Variants in LRMDA observed in about 807,000 individuals in gnomAD.
LRMDA encodes the protein leucine rich melanocyte differentiation associated, also known as leucine-rich melanocyte differentiation-associated protein.
A neutral mutation model predicts 29.8 loss-of-function variants in LRMDA; 18 were observed. The ratio of observed to expected loss-of-function variants is 0.60; its 90% CI spans 0.42 to 0.90. The LOEUF is 0.90. Ranked by LOEUF, LRMDA falls within the 40% of genes least tolerant of loss-of-function variation. The probability of loss-of-function intolerance (pLI) is 0.00; values close to 1 mark genes in which losing one functional copy is unlikely to be tolerated. For synonymous variants in LRMDA, 125 were observed against 109.4 expected, an observed-to-expected ratio of 1.14 and a Z score of -0.89; for missense variants, 273 against 273.9, an observed-to-expected ratio of 1.00 and a Z score of 0.02.
intron 5 of LRMDA, among the ~76,000 whole-genome samples, chr10:76,147,608 A>T (rs1394563501): frequency 6.6e-6 from 1 of 151,892 alleles, no homozygotes; most frequent in Non-Finnish European, 1.5e-5. Context: ...CAAAACTTTT[A>T]ACTTCTTTGC....
At chr10:76,475,486 T>C (rs1311980868) in intron 6 of LRMDA, among the ~76,000 whole-genome samples, 1 of 151,964 alleles carries the variant, frequency 6.6e-6, no homozygotes, top group Admixed American at 6.6e-5. Context: ...ATTGGACAGA[T>C]CAATGAGACA....
chr10:76,245,760 A>T (rs1234928183), intron 5 of LRMDA, among the ~76,000 whole-genome samples: 1 of 152,202 alleles, frequency 6.6e-6, no homozygotes, highest in Non-Finnish European at 1.5e-5. Context: ...TTATACTATG[A>T]CAGCTCTGGG....
intron 5 of LRMDA, among the ~76,000 whole-genome samples, chr10:76,222,973 A>G (rs543610802): frequency 3.9e-4 from 60 of 152,220 alleles, no homozygotes; most frequent in African/African-American, 6.5e-4. Flanking sequence ...GTAGGGACAT[A>G]GATGAAATTG....
At chr10:75,875,036 C>G (rs1845172998) in intron 2 of LRMDA, among the ~76,000 whole-genome samples, 1 of 152,168 alleles carries the variant, frequency 6.6e-6, no homozygotes, top group Admixed American at 6.5e-5. Context: ...CTCTTGCATG[C>G]CAATATCAAT....
At chr10:75,510,047 A>G (rs1845210147) in intron 2 of LRMDA, among the ~76,000 whole-genome samples, 1 of 152,250 alleles carries the variant, frequency 6.6e-6, no homozygotes, top group African/African-American at 2.4e-5. Flanking sequence ...CAGAAGAGGC[A>G]ATCAATAAAT....
intron 3 of LRMDA, among the ~76,000 whole-genome samples, chr10:76,040,049 G>C (rs989813564): frequency 2.6e-5 from 4 of 152,138 alleles, no homozygotes; most frequent in African/African-American, 9.7e-5. Flanking sequence ...CATTTTTATG[G>C]AAAAACTAGG....
chr10:75,895,653 T>G (rs1354628023), intron 2 of LRMDA, among the ~76,000 whole-genome samples: 1 of 152,250 alleles, frequency 6.6e-6, no homozygotes, highest in African/African-American at 2.4e-5. Context: ...TATTACATGA[T>G]GCTGGAATAG....
intron 6 of LRMDA, among the ~76,000 whole-genome samples, chr10:76,539,444 C>T (rs1219650985): frequency 3.9e-5 from 6 of 152,130 alleles, no homozygotes; most frequent in Non-Finnish European, 5.9e-5. Context: ...ACAGGTTTCC[C>T]AGGGCAATAG....
At chr10:76,379,569 CT>C (rs529675102) in intron 6 of LRMDA, among the ~76,000 whole-genome samples, 2 of 152,012 alleles carry the variant, frequency 1.3e-5, no homozygotes, top group African/African-American at 4.8e-5. Context: ...GTAATGTGTT[CT>C]TTATCACTTC....
intron 6 of LRMDA, among the ~76,000 whole-genome samples, chr10:76,386,664 A>G (rs1187381164): frequency 6.6e-6 from 1 of 152,190 alleles, no homozygotes; most frequent in East Asian, 1.9e-4. Context: ...CAATGTCCTA[A>G]TTTGTCAAAA....
intron 5 of LRMDA, among the ~76,000 whole-genome samples, chr10:76,159,835 T>A (rs1850611004): frequency 6.6e-6 from 1 of 151,994 alleles, no homozygotes; most frequent in African/African-American, 2.4e-5. Context: ...GGCAAAACTA[T>A]AGAGAGAGCA....
intron 5 of LRMDA, among the ~76,000 whole-genome samples, chr10:76,112,609 AG>A (rs913912698): frequency 2.0e-5 from 3 of 152,224 alleles, no homozygotes; most frequent in African/African-American, 7.2e-5. Context: ...AAGCCCCAAG[AG>A]GCCCTGGTAC....
intron 2 of LRMDA, among the ~76,000 whole-genome samples, chr10:75,906,037 A>G (rs961056755): frequency 2.0e-5 from 3 of 151,360 alleles, no homozygotes; most frequent in African/African-American, 7.3e-5. Context: ...ACCTCATCCT[A>G]GATGCTCCCA....
At chr10:75,929,976 A>G (rs189635049) in intron 2 of LRMDA, among the ~76,000 whole-genome samples, 2 of 152,314 alleles carry the variant, frequency 1.3e-5, no homozygotes, top group Admixed American at 6.5e-5. Context: ...ACTGAATGCA[A>G]TCCTAGCAAA....
chr10:76,058,071 C>G (rs1848644902), intron 4 of LRMDA, among the ~76,000 whole-genome samples: 1 of 152,200 alleles, frequency 6.6e-6, no homozygotes, highest in East Asian at 1.9e-4. Context: ...TTAACTCCCC[C>G]TTTTCTCCTT....
intron 2 of LRMDA, among the ~76,000 whole-genome samples, chr10:75,715,253 T>C (rs776013499): frequency 6.6e-6 from 1 of 152,206 alleles, no homozygotes; most frequent in Non-Finnish European, 1.5e-5. Flanking sequence ...TTAAGTTGGA[T>C]GGTAATAAAC....
intron 2 of LRMDA, among the ~76,000 whole-genome samples, chr10:75,727,406 A>G (rs938838252): frequency 1.1e-4 from 16 of 152,168 alleles, no homozygotes; most frequent in Non-Finnish European, 2.4e-4. Context: ...CAAAATATCT[A>G]TTGCATGGAA....
intron 2 of LRMDA, among the ~76,000 whole-genome samples, chr10:75,791,995 G>T (rs1589204880): frequency 6.6e-6 from 1 of 151,690 alleles, no homozygotes; most frequent in South Asian, 2.1e-4. Flanking sequence ...GAGTAGCTGG[G>T]ACTGCAGGTG....
At chr10:76,556,066 AG>A in intron 6 of LRMDA, among the ~76,000 whole-genome samples, 1 of 152,248 alleles carries the variant, frequency 6.6e-6, no homozygotes, top group South Asian at 2.1e-4. Flanking sequence ...ATAATCCTAC[AG>A]AGCTTTCATA....
Sources: allele counts gnomAD v4.1 joint callset (sites outside exome capture counted in the v4.1 genomes callset), GRCh38; gene constraint gnomAD v4.1.1; transcripts MANE v1.5; gene names NCBI Gene and HGNC (gene_info 2026-07-23, HGNC 2026-07-21).